GRIK2: variants seen among roughly 807,000 people sequenced by gnomAD.
GRIK2 encodes the protein glutamate ionotropic receptor kainate type subunit 2.
In GRIK2, 32 loss-of-function variants were observed where a neutral mutation model predicts 100.3. That is an observed-to-expected ratio of 0.32 (90% CI 0.24 to 0.43). GRIK2 has a LOEUF of 0.43. Among genes scored for constraint, GRIK2 ranks in the 20% least tolerant of loss-of-function variants. The pLI, the probability that GRIK2 is intolerant of heterozygous loss-of-function variation, is 1.00. For synonymous variants in GRIK2, 417 were observed against 389.4 expected, an observed-to-expected ratio of 1.07 and a Z score of -0.83; for missense variants, 843 against 1,114.9, an observed-to-expected ratio of 0.76 and a Z score of 3.47.
At chr6:102,037,106 T>TA (rs1770311554) in intron 15 of GRIK2, among the ~76,000 whole-genome samples, 2 of 151,220 alleles carry the variant, frequency 1.3e-5, no homozygotes, top group African/African-American at 2.4e-5. Context: ...TATTATGGTT[T>TA]AAAAAAAGCT....
At chr6:101,570,432 T>C (rs1777476488) in intron 2 of GRIK2, among the ~76,000 whole-genome samples, 1 of 152,034 alleles carries the variant, frequency 6.6e-6, no homozygotes, top group Non-Finnish European at 1.5e-5. Context: ...TTCATTCTCC[T>C]TTGTCACTCC....
rs773678882 is a variant in GRIK2 at position 101,924,598 on chromosome 6, C to T, written c.1749-3C>T. ...GTATTCTTTTTTCTGTCAATTACCA[C>T]AGGTTTAGTCCTTATGAGTGGTATA... On this transcript the variant is annotated splice_region_variant and splice_polypyrimidine_tract_variant and intron_variant, in intron 12 of 16. Coordinates refer to ENST00000369134, the MANE Select transcript of GRIK2 (RefSeq NM_021956.5). The T allele has an allele frequency of 2.8e-6, 4 of 1,430,698 alleles. No individual in the cohort carries two copies. Among genetic ancestry groups the T allele is most frequent in the Non-Finnish European group, 3.9e-6 (4 of 1,016,224 alleles). The allele number at this position is 1,430,698 out of a possible 1,614,324, so 88.6% of individuals were successfully genotyped here.
At chr6:102,003,188 T>C (rs1383711258) in intron 14 of GRIK2, among the ~76,000 whole-genome samples, 1 of 151,700 alleles carries the variant, frequency 6.6e-6, no homozygotes, top group Non-Finnish European at 1.5e-5. Context: ...GCTTTTCCAT[T>C]TTATATTCAT....
intron 7 of GRIK2, among the ~76,000 whole-genome samples, chr6:101,689,850 A>G (rs911642517): frequency 1.3e-5 from 2 of 152,224 alleles, no homozygotes; most frequent in East Asian, 1.9e-4. Flanking sequence ...TGCATTCTGT[A>G]TTGTGTTCCC....
At chr6:102,043,140 G>A (rs901728442) in intron 15 of GRIK2, among the ~76,000 whole-genome samples, 9 of 151,608 alleles carry the variant, frequency 5.9e-5, no homozygotes, top group East Asian at 1.9e-4. Flanking sequence ...ATTAGAATGC[G>A]TTTATATTAT....
chr6:101,653,658 T>A (rs1582898512), intron 4 of GRIK2, among the ~76,000 whole-genome samples: 2 of 152,164 alleles, frequency 1.3e-5, no homozygotes, highest in East Asian at 3.9e-4. Flanking sequence ...TTTCCTCACT[T>A]GTTGCCCAGG....
intron 7 of GRIK2, among the ~76,000 whole-genome samples, chr6:101,700,710 A>C (rs1295115891): frequency 6.7e-6 from 1 of 149,648 alleles, no homozygotes; most frequent in African/African-American, 2.6e-5. Flanking sequence ...AGTCCCTTCT[A>C]ACTTGATAAC....
intron 14 of GRIK2, among the ~76,000 whole-genome samples, chr6:101,928,999 A>G (rs1790089597): frequency 1.3e-5 from 2 of 152,194 alleles, no homozygotes; most frequent in Non-Finnish European, 2.9e-5. Flanking sequence ...AGAAGAATAG[A>G]ATAATTACTC....
intron 14 of GRIK2, among the ~76,000 whole-genome samples, chr6:101,988,124 TGTGTGTGTGC>T (rs1325359572): frequency 2.1e-3 from 55 of 26,142 alleles, no homozygotes; most frequent in Middle Eastern, 0.014. Flanking sequence ...TGTGTGTGTG[TGTGTGTGTGC>T]GCGCGCGCGC....
At chr6:101,571,232 T>G (rs1201390656) in intron 2 of GRIK2, among the ~76,000 whole-genome samples, 1 of 152,156 alleles carries the variant, frequency 6.6e-6, no homozygotes, top group South Asian at 2.1e-4. Flanking sequence ...ACAGTTGGTT[T>G]ACACGTGCCA....
intron 10 of GRIK2, among the ~76,000 whole-genome samples, chr6:101,842,446 T>C (rs1783569179): frequency 6.6e-6 from 1 of 152,192 alleles, no homozygotes; most frequent in South Asian, 2.1e-4. Flanking sequence ...GATCCTTTTT[T>C]CTATAAAATG....
At chr6:101,494,620 A>C (rs142827290) in intron 2 of GRIK2, among the ~76,000 whole-genome samples, 359 of 151,986 alleles carry the variant, frequency 2.4e-3, no homozygotes, top group Middle Eastern at 6.8e-3. Flanking sequence ...ACATTTAAAA[A>C]CACAATACTT....
At chr6:101,943,978 G>A (rs775612970) in intron 14 of GRIK2, among the ~76,000 whole-genome samples, 6 of 152,106 alleles carry the variant, frequency 3.9e-5, no homozygotes, top group Non-Finnish European at 7.4e-5. Context: ...ATGTAGAGTT[G>A]TAATTCCCAT....
chr6:101,979,328 G>C (rs1207878096), intron 14 of GRIK2, among the ~76,000 whole-genome samples: 1 of 151,936 alleles, frequency 6.6e-6, no homozygotes, highest in Non-Finnish European at 1.5e-5. Context: ...GAGGAAAATG[G>C]TGTGAAAAGG....
At chr6:101,485,579 T>C (rs1298802027) in intron 2 of GRIK2, among the ~76,000 whole-genome samples, 1 of 152,160 alleles carries the variant, frequency 6.6e-6, no homozygotes, top group African/African-American at 2.4e-5. Flanking sequence ...AGTCATTAAT[T>C]CTGAAAAGTA....
chr6:101,873,875 T>G (rs9485551), intron 11 of GRIK2, among the ~76,000 whole-genome samples: 137,918 of 151,982 alleles, frequency 0.91, 62,655 homozygotes, highest in East Asian at 0.98. Flanking sequence ...CATGTGTCTT[T>G]TGGCTGCATA....
intron 7 of GRIK2, among the ~76,000 whole-genome samples, chr6:101,705,224 A>G (rs967614447): frequency 3.3e-5 from 5 of 151,224 alleles, no homozygotes; most frequent in African/African-American, 1.2e-4. Flanking sequence ...TCTTTTCTTG[A>G]GAAATGTAGC....
rs538491154 is a variant in GRIK2, at chr6:101,424,552, C to CT, written c.115+25169dup. Among the ~76,000 whole-genome samples, 1,003 of 146,540 alleles carry CT rather than the reference C, an allele frequency of 6.8e-3. 8 individuals are homozygous for CT. Among genetic ancestry groups the CT allele is most frequent in the African/African-American group, 0.02 (806 of 39,822 alleles). On this transcript the variant is annotated intron_variant, in intron 2 of 16. Coordinates refer to ENST00000369134, the MANE Select transcript of GRIK2 (RefSeq NM_021956.5). ...CCATGGTGTATGTGTGCCACATTTT[C>CT]TTTTTTTTTCATTTTTTAAAAATTA... is the stretch of plus-strand genomic sequence containing the variant.
chr6:101,527,811 C>T (rs969789390), intron 2 of GRIK2, among the ~76,000 whole-genome samples: 5 of 152,194 alleles, frequency 3.3e-5, no homozygotes, highest in Non-Finnish European at 7.4e-5. Context: ...CTTTTCTTAT[C>T]TATCCACTCT....
Sources: allele counts gnomAD v4.1 joint callset (sites outside exome capture counted in the v4.1 genomes callset), GRCh38; gene constraint gnomAD v4.1.1; transcripts MANE v1.5; gene names NCBI Gene and HGNC (gene_info 2026-07-23, HGNC 2026-07-21).